Variants in KCNIP4 observed in about 807,000 individuals in gnomAD.
The protein encoded by KCNIP4 is potassium voltage-gated channel interacting protein 4.
In KCNIP4, 12 loss-of-function variants were observed where a neutral mutation model predicts 34.0. The ratio of observed to expected loss-of-function variants is 0.35; its 90% CI spans 0.23 to 0.57. The LOEUF (loss-of-function observed/expected upper bound fraction) is 0.57, where lower values mean the gene tolerates loss of function less well. KCNIP4 is among the 20% of genes least tolerant of loss of function. The pLI is 0.83. For synonymous variants in KCNIP4, 124 were observed against 102.2 expected (o/e 1.21, Z -1.29); for missense variants, 238 against 311.7 (o/e 0.76, Z 1.78).
chr4:21,319,230 C>G (rs1478652101), intron 1 of KCNIP4, among the ~76,000 whole-genome samples: 2 of 152,166 alleles, frequency 1.3e-5, no homozygotes, highest in East Asian at 3.9e-4. Context: ...ATCATGCTGG[C>G]TTTGCTTACA....
At chr4:21,135,077 C>T (rs1751397182) in intron 1 of KCNIP4, among the ~76,000 whole-genome samples, 2 of 152,174 alleles carry the variant, frequency 1.3e-5, no homozygotes, top group South Asian at 4.1e-4. Flanking sequence ...TTACAATGAA[C>T]CATTCAAAGA....
Position 21,187,772 on chromosome 4 carries a change from T to G in KCNIP4, c.62-305063A>C, listed in dbSNP as rs183676858. On this transcript the variant is annotated intron_variant, in intron 1 of 8. Coordinates refer to ENST00000382152, the MANE Select transcript of KCNIP4 (RefSeq NM_025221.6). ...TGCACTCTCTATGCTCAATACATTC[T>G]GACAACACACTAGTCCTGCTCTAAT... Among the ~76,000 whole-genome samples, 215 of 152,258 alleles carry G rather than the reference T, an allele frequency of 1.4e-3. 2 individuals are homozygous for G. The highest frequency in any genetic ancestry group is 4.6e-3 in the African/African-American group (191 of 41,556).
intron 3 of KCNIP4, among the ~76,000 whole-genome samples, chr4:20,759,348 A>C (rs1754754695): frequency 1.3e-5 from 2 of 152,206 alleles, no homozygotes; most frequent in Admixed American, 6.5e-5. Context: ...AGAAGCTTCA[A>C]CCAGTAATAG....
intron 1 of KCNIP4, among the ~76,000 whole-genome samples, chr4:21,320,312 A>G (rs139863027): frequency 1.3e-5 from 2 of 152,304 alleles, no homozygotes; most frequent in East Asian, 1.9e-4. Context: ...TGGTTTACCA[A>G]TTTAGGTGCT....
chr4:21,392,649 T>C (rs1338793852), intron 1 of KCNIP4, among the ~76,000 whole-genome samples: 2 of 152,242 alleles, frequency 1.3e-5, no homozygotes, highest in African/African-American at 4.8e-5. Context: ...TATGAATTTT[T>C]AGCTTCATAG....
chr4:21,072,755 C>T (rs1028772399), intron 1 of KCNIP4, among the ~76,000 whole-genome samples: 57 of 152,128 alleles, frequency 3.7e-4, no homozygotes, highest in Non-Finnish European at 7.1e-4. Context: ...CCTAGGTTTT[C>T]TCCTAGGGTT....
chr4:20,956,657 A>C lies in KCNIP4; in HGVS notation c.62-73948T>G, dbSNP rs936218198. Among the ~76,000 whole-genome samples the C allele has an allele frequency of 3.9e-5, 6 of 152,238 alleles. 1 individual carries two copies. The highest frequency in any genetic ancestry group is 2.0e-4 in the Admixed American group (3 of 15,286). Reference sequence around the variant, plus strand: ...AATGAGAGAGGAATCTAAGCAAGAAAATAAAAGCAAGTTAAAGAAATGTAT... The same window carrying C: ...AATGAGAGAGGAATCTAAGCAAGAACATAAAAGCAAGTTAAAGAAATGTAT... On this transcript the variant is annotated intron_variant, in intron 1 of 8. Coordinates refer to ENST00000382152, the MANE Select transcript of KCNIP4 (RefSeq NM_025221.6).
intron 1 of KCNIP4, among the ~76,000 whole-genome samples, chr4:20,977,609 C>T (rs1482002370): frequency 1.3e-5 from 2 of 151,982 alleles, no homozygotes; most frequent in Non-Finnish European, 2.9e-5. Flanking sequence ...AATAATAGTC[C>T]CCAGACTAAT....
At chr4:21,703,929 T>C (rs939677456) in intron 1 of KCNIP4, among the ~76,000 whole-genome samples, 8 of 152,170 alleles carry the variant, frequency 5.3e-5, no homozygotes, top group African/African-American at 1.7e-4. Flanking sequence ...TTGAGACTTA[T>C]ATGGCTGCAG....
chr4:21,656,336 C>A (rs1473102514), intron 1 of KCNIP4, among the ~76,000 whole-genome samples: 1 of 152,130 alleles, frequency 6.6e-6, no homozygotes, highest in Non-Finnish European at 1.5e-5. Context: ...TGCAGTATGA[C>A]CTCATCTTAA....
intron 1 of KCNIP4, among the ~76,000 whole-genome samples, chr4:21,140,652 C>T (rs1157767469): frequency 6.6e-6 from 1 of 152,172 alleles, no homozygotes; most frequent in Non-Finnish European, 1.5e-5. Context: ...CAAGTCCAAA[C>T]ACTGCAGGCT....
chr4:21,936,990 C>T (rs1404267040), intron 1 of KCNIP4, among the ~76,000 whole-genome samples: 1 of 152,068 alleles, frequency 6.6e-6, no homozygotes, highest in African/African-American at 2.4e-5. Context: ...CAGTTCATGA[C>T]TTCAGTTACC....
chr4:21,000,329 T>C (rs570605180), intron 1 of KCNIP4, among the ~76,000 whole-genome samples: 1 of 152,146 alleles, frequency 6.6e-6, no homozygotes, highest in East Asian at 1.9e-4. Context: ...TAGAGTAATA[T>C]TTTAAAGCAT....
chr4:21,457,558 G>A (rs1278134436), intron 1 of KCNIP4, among the ~76,000 whole-genome samples: 1 of 152,022 alleles, frequency 6.6e-6, no homozygotes, highest in East Asian at 1.9e-4. Flanking sequence ...GTATTGGGGA[G>A]TGGTGGGACT....
intron 1 of KCNIP4, among the ~76,000 whole-genome samples, chr4:21,175,197 A>G (rs1483878208): frequency 1.3e-5 from 2 of 152,086 alleles, no homozygotes; most frequent in African/African-American, 4.8e-5. Context: ...TGTCTTTCTC[A>G]AGGATTTGGG....
rs972166644 is a variant in KCNIP4 at position 21,670,420 on chromosome 4, G to T, written c.61+278151C>A. 3.2e-3 allele frequency among the ~76,000 whole-genome samples: 404 copies of T among 125,640 alleles called. 1 individual carries two copies. Among genetic ancestry groups the T allele is most frequent in the African/African-American group, 0.011 (369 of 32,704 alleles). 82.4% of individuals were successfully genotyped at this position (125,640 alleles called of 152,430 possible). Reference sequence around the variant, plus strand: ...GGAATATCACACTCTGGGGACTGTGGTGGGGTCGGGGGAGGGGGGAGGGAT... The same window carrying T: ...GGAATATCACACTCTGGGGACTGTGTTGGGGTCGGGGGAGGGGGGAGGGAT... On this transcript the variant is annotated intron_variant, in intron 1 of 8. Transcript: ENST00000382152.
chr4:21,095,242 G>C (rs1208577697), intron 1 of KCNIP4, among the ~76,000 whole-genome samples: 1 of 152,182 alleles, frequency 6.6e-6, no homozygotes, highest in Non-Finnish European at 1.5e-5. Flanking sequence ...AGGGAATGTA[G>C]TGAGCAAGCT....
intron 1 of KCNIP4, among the ~76,000 whole-genome samples, chr4:21,477,799 C>T (rs954145401): frequency 6.6e-5 from 10 of 152,166 alleles, no homozygotes; most frequent in Non-Finnish European, 1.2e-4. Context: ...ACTTATTCTC[C>T]CAGCTCCAAG....
Position 20,742,152 on chromosome 4 carries a change from C to T in KCNIP4, c.430-7417G>A, listed in dbSNP as rs566058601. Among the ~76,000 whole-genome samples, 514 of 152,276 alleles carry T rather than the reference C, an allele frequency of 3.4e-3. 5 individuals are homozygous for T. Among genetic ancestry groups the T allele is most frequent in the Middle Eastern group, 0.02 (6 of 294 alleles). ...ATTCTACCAGAGGTACAAAGAGGAG[C>T]TGGTACCATTTCTTCTGAAAATATT... On this transcript the variant is annotated intron_variant, in intron 5 of 8. Coordinates refer to ENST00000382152, the MANE Select transcript of KCNIP4 (RefSeq NM_025221.6).
Sources: allele counts gnomAD v4.1 joint callset (sites outside exome capture counted in the v4.1 genomes callset), GRCh38; gene constraint gnomAD v4.1.1; transcripts MANE v1.5; gene names NCBI Gene and HGNC (gene_info 2026-07-23, HGNC 2026-07-21).